Variants in HPRT1 observed in about 807,000 individuals in gnomAD.
The protein encoded by HPRT1 is hypoxanthine-guanine phosphoribosyltransferase.
A neutral mutation model predicts 19.0 loss-of-function variants in HPRT1; 4 were observed. The ratio of observed to expected loss-of-function variants is 0.21; its 90% CI spans 0.10 to 0.48. The LOEUF is 0.48. HPRT1 is among the 20% of genes least tolerant of loss of function. The probability of loss-of-function intolerance (pLI) is 0.98; values close to 1 mark genes in which losing one functional copy is unlikely to be tolerated. For missense variants in HPRT1, 65 were observed against 164.0 expected (o/e 0.40, Z 3.30); for synonymous variants, 53 against 54.9 (o/e 0.97, Z 0.15).
chrX:134,498,737 T>C, intron 8 of HPRT1, 53 bp downstream of exon 8: 2 of 814,719 alleles, frequency 2.5e-6, no homozygotes, highest in Non-Finnish European at 3.7e-6. Context: ...CATAAAAATT[T>C]AGGAAAGAGA....
Position 134,498,702 on chromosome X carries a change from T to C in HPRT1, c.609+18T>C. The C allele has an allele frequency of 9.8e-7, 1 of 1,024,889 alleles. No homozygotes were observed. The allele number at this position is 1,024,889 out of a possible 1,213,427, so 84.5% of individuals were successfully genotyped here. ...ATTTGAATGTAAGTAATTGCTTCTT[T>C]TTCTCACTCATTTTTCAAAACACGC... On this transcript the variant is annotated intron_variant, in intron 8 of 8. Coordinates refer to ENST00000298556, the MANE Select transcript of HPRT1 (RefSeq NM_000194.3).
At chrX:134,493,389 A>G (rs931315336) in intron 5 of HPRT1, 119 bp from the exon 6 acceptor site, 6 of 548,843 alleles carry the variant, frequency 1.1e-5, no homozygotes, top group Non-Finnish European at 2.0e-5. Flanking sequence ...CTCCATGTAG[A>G]TTTTGGTGAG....
chrX:134,493,771 A>G (rs1175457742), intron 6 of HPRT1, among the ~76,000 whole-genome samples, 181 bp downstream of exon 6: 2 of 112,301 alleles, frequency 1.8e-5, no homozygotes, highest in Admixed American at 1.9e-4. Context: ...AAAGCTCATA[A>G]TTACAGTCAC....
intron 3 of HPRT1, among the ~76,000 whole-genome samples, chrX:134,483,020 T>TA (rs1412627645): frequency 2.8e-3 from 284 of 100,316 alleles, no homozygotes; most frequent in Middle Eastern, 5.0e-3. Context: ...TGTTTTCCGA[T>TA]AAAAAAAAAA....
At chrX:134,467,803 C>CTT (rs765621209) in intron 1 of HPRT1, among the ~76,000 whole-genome samples, 9 of 89,475 alleles carry the variant, frequency 1.0e-4, no homozygotes, top group Non-Finnish European at 1.1e-4. Context: ...TAACCTGTAT[C>CTT]TTTTTTTTTT....
intron 1 of HPRT1, among the ~76,000 whole-genome samples, chrX:134,470,945 A>G (rs979938655): frequency 2.1e-4 from 23 of 109,057 alleles, no homozygotes; most frequent in Non-Finnish European, 3.8e-4. Flanking sequence ...TTATTTAAAA[A>G]AAGTGTAGAA....
chrX:134,471,478 A>G (rs983029156), intron 1 of HPRT1, among the ~76,000 whole-genome samples: 2 of 111,504 alleles, frequency 1.8e-5, no homozygotes, highest in African/African-American at 3.3e-5. Flanking sequence ...AGTATCTTTT[A>G]TGATGACACT....
In HPRT1 at chrX:134,490,221, CT is replaced by C; in HGVS notation, c.402+20del. The C allele has an allele frequency of 1.0e-6, 1 of 969,253 alleles. No homozygotes were observed. Among genetic ancestry groups the C allele is most frequent in the Non-Finnish European group, 1.5e-6 (1 of 684,238 alleles). 79.9% of individuals were successfully genotyped at this position (969,253 alleles called of 1,213,427 possible). On this transcript the variant is annotated intron_variant, in intron 5 of 8. Coordinates refer to ENST00000298556, the MANE Select transcript of HPRT1 (RefSeq NM_000194.3). ...GATTGTGGAAGTAAGTTCACATTTACTTTTAATATAACATTTATGACTTTTC... is the reference window on the plus strand; with the variant it reads ...GATTGTGGAAGTAAGTTCACATTTACTTTAATATAACATTTATGACTTTTC...
intron 3 of HPRT1, among the ~76,000 whole-genome samples, chrX:134,476,355 A>G (rs1348354524): frequency 1.8e-5 from 2 of 112,462 alleles, no homozygotes; most frequent in Admixed American, 9.5e-5. Context: ...CTTTATGCCC[A>G]TACATCATAA....
intron 2 of HPRT1, among the ~76,000 whole-genome samples, chrX:134,473,892 A>G (rs2077616776): frequency 8.9e-6 from 1 of 112,080 alleles, no homozygotes. Flanking sequence ...ATGTCTGGCT[A>G]TTCTGTGTTT....
chrX:134,481,491 CTCTA>C (rs768895696), intron 3 of HPRT1, among the ~76,000 whole-genome samples: 49 of 101,208 alleles, frequency 4.8e-4, no homozygotes, highest in South Asian at 9.3e-4. Flanking sequence ...TTGTCTCTAT[CTCTA>C]TCTGTCTATC....
intron 1 of HPRT1, among the ~76,000 whole-genome samples, chrX:134,470,986 T>C (rs942593514): frequency 2.7e-4 from 30 of 109,900 alleles, no homozygotes; most frequent in African/African-American, 9.9e-4. Context: ...TACCATTATT[T>C]GGTATATTTC....
chrX:134,500,382 AAG>A lies in HPRT1; in HGVS notation c.*309_*310del, dbSNP rs2077692441. 4.6e-6 allele frequency: 1 copy of A among 217,467 alleles called. No homozygotes were observed. The highest frequency in any genetic ancestry group is 8.3e-6 in the Non-Finnish European group (1 of 121,099). 17.9% of individuals were successfully genotyped at this position (217,467 alleles called of 1,213,427 possible). The stretch of plus-strand genomic sequence containing the variant: ...ATTGAACTCATATCTGTAAGAAATA[AAG>A]AGAAGATATATTAGTTTTTTAATTG... On this transcript the variant is annotated 3_prime_UTR_variant, in exon 9 of 9. Coordinates refer to ENST00000298556, the MANE Select transcript of HPRT1 (RefSeq NM_000194.3).
intron 1 of HPRT1, among the ~76,000 whole-genome samples, chrX:134,465,109 C>T (rs1202625092): frequency 5.5e-5 from 6 of 108,932 alleles, no homozygotes; most frequent in African/African-American, 2.0e-4. Flanking sequence ...TTAGTAGAGA[C>T]GGGGTTTCAC....
intron 1 of HPRT1, among the ~76,000 whole-genome samples, chrX:134,468,162 A>C (rs1042491153): frequency 9.1e-6 from 1 of 110,356 alleles, no homozygotes; most frequent in Non-Finnish European, 1.9e-5. Flanking sequence ...ACTCATGTAC[A>C]TGTCATGCCA....
chrX:134,500,187 G>A lies in HPRT1; in HGVS notation c.*110G>A. On this transcript the variant is annotated 3_prime_UTR_variant, in exon 9 of 9. Transcript: ENST00000298556. ...ATCTGCTTAGTAGAGCTTTTTGCAT[G>A]TATCTTCTAAGAATTTTATCTGTTT... 1 of 575,476 alleles carries A rather than the reference G, an allele frequency of 1.7e-6. No individual in the cohort carries two copies. Among genetic ancestry groups the A allele is most frequent in the Non-Finnish European group, 3.1e-6 (1 of 327,524 alleles). 47.4% of individuals were successfully genotyped at this position (575,476 alleles called of 1,213,427 possible).
At position 134,500,341 on chromosome X, in the gene HPRT1, C is replaced by A; in HGVS notation, c.*264C>A. 3.1e-6 allele frequency: 1 copy of A among 322,493 alleles called. No homozygotes were observed. 26.6% of individuals were successfully genotyped at this position (322,493 alleles called of 1,213,427 possible). ...ATGAAAAAATTCTCTTAAACCACAG[C>A]ACTATTGAGTGAAACATTGAACTCA... On this transcript the variant is annotated 3_prime_UTR_variant, in exon 9 of 9. Transcript: ENST00000298556.
At chrX:134,490,840 T>A (rs376422700) in intron 5 of HPRT1, among the ~76,000 whole-genome samples, 1 of 109,087 alleles carries the variant, frequency 9.2e-6, no homozygotes, top group South Asian at 3.9e-4. Context: ...AGGTTTAGGA[T>A]CCCTTGTTTT....
chrX:134,471,690 G>A (rs1293735678), intron 1 of HPRT1, among the ~76,000 whole-genome samples: 3 of 111,444 alleles, frequency 2.7e-5, no homozygotes, highest in Non-Finnish European at 5.7e-5. Context: ...ACCCAGGCTG[G>A]AGTGCAGTGG....
Sources: allele counts gnomAD v4.1 joint callset (sites outside exome capture counted in the v4.1 genomes callset), GRCh38; gene constraint gnomAD v4.1.1; transcripts MANE v1.5; gene names NCBI Gene and HGNC (gene_info 2026-07-23, HGNC 2026-07-21).